NEK11: variants seen among roughly 807,000 people sequenced by gnomAD.
The protein encoded by NEK11 is serine/threonine-protein kinase Nek11.
Under a neutral mutation model 80.7 loss-of-function variants are expected in NEK11, and 72 were observed. The observed-to-expected ratio is 0.89, with a 90% CI of 0.74 to 1.08. The LOEUF (loss-of-function observed/expected upper bound fraction) is 1.08. Among genes scored for constraint, NEK11 ranks in the 50% least tolerant of loss-of-function variants. The pLI is 0.00. For synonymous variants in NEK11, 251 were observed against 260.7 expected, an observed-to-expected ratio of 0.96 and a Z score of 0.36; for missense variants, 764 against 763.6, an observed-to-expected ratio of 1.00 and a Z score of -0.01.
intron 3 of NEK11, among the ~76,000 whole-genome samples, chr3:131,057,597 G>A (rs981824346): frequency 6.6e-6 from 1 of 152,118 alleles, no homozygotes; most frequent in East Asian, 1.9e-4. Context: ...GTGTGAGATG[G>A]TATCTAATTG....
intron 3 of NEK11, among the ~76,000 whole-genome samples, chr3:131,045,976 T>C (rs1302387550): frequency 6.6e-5 from 10 of 152,206 alleles, no homozygotes; most frequent in Admixed American, 6.5e-4. Flanking sequence ...TTCCACCCCT[T>C]TACCTTAAGT....
At chr3:131,092,121 T>C (rs2076819380) in intron 4 of NEK11, among the ~76,000 whole-genome samples, 1 of 152,228 alleles carries the variant, frequency 6.6e-6, no homozygotes, top group African/African-American at 2.4e-5. Context: ...TTCTCCCTAT[T>C]AGTCAGTCTC....
intron 10 of NEK11, among the ~76,000 whole-genome samples, chr3:131,156,795 C>T (rs192073524): frequency 6.6e-6 from 1 of 152,124 alleles, no homozygotes; most frequent in Non-Finnish European, 1.5e-5. Context: ...TGCTTACAAG[C>T]ATGGGGTTAT....
intron 15 of NEK11, among the ~76,000 whole-genome samples, chr3:131,233,859 T>A (rs2095381331): frequency 6.6e-6 from 1 of 152,218 alleles, no homozygotes; most frequent in Non-Finnish European, 1.5e-5. Context: ...CCTAGGTCCC[T>A]TGAAAGATAC....
chr3:131,152,323 G>T, intron 7 of NEK11, 65 bp from the exon 8 acceptor site: 1 of 1,445,038 alleles, frequency 6.9e-7, no homozygotes, highest in Non-Finnish European at 9.4e-7. Flanking sequence ...CTGAGGTTTT[G>T]TATGATGAAA....
chr3:131,234,227 A>G (rs1197061390), intron 15 of NEK11, among the ~76,000 whole-genome samples: 1 of 152,162 alleles, frequency 6.6e-6, no homozygotes, highest in Non-Finnish European at 1.5e-5. Flanking sequence ...AACATCTCTC[A>G]TCTGTTATGG....
chr3:131,189,680 G>C (rs1250479453), intron 14 of NEK11, among the ~76,000 whole-genome samples: 1 of 152,114 alleles, frequency 6.6e-6, no homozygotes, highest in African/African-American at 2.4e-5. Context: ...TTGTATAGCA[G>C]TCAAGAGAAC....
intron 4 of NEK11, among the ~76,000 whole-genome samples, chr3:131,097,196 C>T (rs985321262): frequency 1.1e-4 from 17 of 151,928 alleles, no homozygotes; most frequent in African/African-American, 3.4e-4. Flanking sequence ...AATAAACATA[C>T]GTGTGCATGT....
intron 14 of NEK11, among the ~76,000 whole-genome samples, chr3:131,197,484 C>G (rs2094065394): frequency 6.6e-6 from 1 of 152,106 alleles, no homozygotes; most frequent in African/African-American, 2.4e-5. Context: ...GTTAAAGATA[C>G]AGGGATTGAA....
chr3:131,178,326 C>T (rs2093154216), intron 14 of NEK11, among the ~76,000 whole-genome samples: 1 of 152,188 alleles, frequency 6.6e-6, no homozygotes, highest in East Asian at 1.9e-4. Flanking sequence ...AAATTAACCT[C>T]AGCTTACTGT....
chr3:131,034,891 C>T (rs2065416414), intron 3 of NEK11, among the ~76,000 whole-genome samples: 1 of 152,164 alleles, frequency 6.6e-6, no homozygotes, highest in Admixed American at 6.5e-5. Context: ...ACTCCCTTTC[C>T]AACTCAATAT....
intron 3 of NEK11, among the ~76,000 whole-genome samples, chr3:131,078,057 G>T (rs774090286): frequency 2.6e-5 from 4 of 152,180 alleles, no homozygotes; most frequent in African/African-American, 4.8e-5. Context: ...GCATAGTTGA[G>T]TCCTTGCCTG....
intron 17 of NEK11, chr3:131,327,737 G>GT (rs1488908511): frequency 2.3e-4 from 31 of 135,004 alleles, no homozygotes; most frequent in African/African-American, 8.3e-4. Flanking sequence ...GGGCCTGGTG[G>GT]TTAAAAAAAA....
chr3:131,233,022 A>T (rs1325540960), intron 15 of NEK11, among the ~76,000 whole-genome samples: 6 of 149,478 alleles, frequency 4.0e-5, no homozygotes, highest in Non-Finnish European at 7.5e-5. Flanking sequence ...GGAAGGAAGG[A>T]AGGAAGGAAG....
In NEK11 at chr3:131,085,058, G is replaced by T. The variant is rs570306271; in HGVS notation, c.336+4470G>T. Among the ~76,000 whole-genome samples the T allele has an allele frequency of 4.6e-5, 7 of 152,344 alleles. No individual in the cohort carries two copies. In the South Asian group the frequency reaches 1.2e-3, roughly 27 times the overall value. ...AGAGTCTGGCCCTGTAGTGAGTGTA[G>T]TTTTATGATCAAGCCATTTAGCCTG... On this transcript the variant is annotated intron_variant, in intron 4 of 17. Coordinates refer to ENST00000383366, the MANE Select transcript of NEK11 (RefSeq NM_024800.5).
intron 11 of NEK11, among the ~76,000 whole-genome samples, chr3:131,163,837 A>T (rs1366126353): frequency 6.6e-6 from 1 of 152,214 alleles, no homozygotes; most frequent in African/African-American, 2.4e-5. Flanking sequence ...ATACATGTAT[A>T]AAAATGGAAT....
chr3:131,253,829 T>G (rs2108330427), intron 16 of NEK11, among the ~76,000 whole-genome samples: 1 of 152,316 alleles, frequency 6.6e-6, no homozygotes, highest in East Asian at 1.9e-4. Flanking sequence ...TAATGATTGG[T>G]GAGTTTCTCT....
chr3:131,260,194 A>AT (rs145590199), intron 16 of NEK11, among the ~76,000 whole-genome samples: 1,808 of 151,386 alleles, frequency 0.012, 37 homozygotes, highest in African/African-American at 0.042. Flanking sequence ...TGATGATCTT[A>AT]TTTTTTTTTA....
intron 7 of NEK11, among the ~76,000 whole-genome samples, chr3:131,143,846 G>T (rs959976918): frequency 6.6e-6 from 1 of 151,930 alleles, no homozygotes; most frequent in Non-Finnish European, 1.5e-5. Context: ...TTCATTTAGG[G>T]TGATACACAC....
Sources: allele counts gnomAD v4.1 joint callset (sites outside exome capture counted in the v4.1 genomes callset), GRCh38; gene constraint gnomAD v4.1.1; transcripts MANE v1.5; gene names NCBI Gene and HGNC (gene_info 2026-07-23, HGNC 2026-07-21).